PTRH1: variants seen among roughly 807,000 people sequenced by gnomAD.
PTRH1 encodes peptidyl-tRNA hydrolase 1 homolog, also known as peptidyl-tRNA hydrolase.
In PTRH1, 13 loss-of-function variants were observed where a neutral mutation model predicts 15.7. That is an observed-to-expected ratio of 0.83 (90% CI 0.54 to 1.31). The LOEUF is 1.31. PTRH1 is among the 40% of genes most tolerant of loss of function. The pLI, the probability that PTRH1 is intolerant of heterozygous loss-of-function variation, is 0.00. For missense variants in PTRH1, 319 were observed against 296.2 expected, an observed-to-expected ratio of 1.08 and a Z score of -0.56; for synonymous variants, 139 against 136.7, an observed-to-expected ratio of 1.02 and a Z score of -0.12.
In PTRH1 at chr9:127,714,366, A is replaced by C; in HGVS notation, c.462+13T>G. 1 of 1,614,212 alleles carries C rather than the reference A, an allele frequency of 6.2e-7. No individual in the cohort carries two copies. Reference sequence around the variant, plus strand: ...CCACCCGACCCAGTTGCACAACAAAAGGGTAGACTCACATTGGAGTTGAGG... The same window carrying C: ...CCACCCGACCCAGTTGCACAACAAACGGGTAGACTCACATTGGAGTTGAGG... On this transcript the variant is annotated intron_variant, in intron 4 of 4. Transcript: ENST00000543175.
At position 127,714,582 on chromosome 9, in the gene PTRH1, C is replaced by G. The variant is rs781497966; in HGVS notation, c.416+21G>C. On this transcript the variant is annotated intron_variant, in intron 3 of 4. Coordinates refer to ENST00000543175, the MANE Select transcript of PTRH1 (RefSeq NM_001002913.3). ...GGAGGCCTGAAGCCCTATCCCAACC[C>G]TGACCATCTCAGGACCTCACCTGGC... 6.2e-6 allele frequency: 10 copies of G among 1,611,622 alleles called. No individual in the cohort carries two copies. The South Asian group carries it at 1.1e-4, about 18-fold the overall frequency.
At chr9:127,695,118 G>C (rs1842547512) in exon 2 of PTRH1, 1 of 702,180 alleles carries the variant, frequency 1.4e-6, no homozygotes, top group Non-Finnish European at 2.6e-6. Flanking sequence ...TGCTGCTGCT[G>C]TTGACGATGA....
At position 127,715,592 on chromosome 9, in the gene PTRH1, GGCTCTACTCA is replaced by G. The variant is rs746816297; in HGVS notation, c.38_47del (p.Leu13ProfsTer2). On this transcript the variant is annotated frameshift_variant, in exon 1 of 5. Coordinates refer to ENST00000543175, the MANE Select transcript of PTRH1 (RefSeq NM_001002913.3). LOFTEE classifies it high-confidence loss of function. This position sits in a 1 kb window ranked among gnomAD's most constrained non-coding sequence, Gnocchi z 5.8. ...GAGGCTCCAAAACACATCGGCTCATGGCTCTACTCAGCCGCTGTCCGGCGCCCAAAAAGCC... is the reference window on the plus strand; with the variant it reads ...GAGGCTCCAAAACACATCGGCTCATGGCCGCTGTCCGGCGCCCAAAAAGCC... The G allele has an allele frequency of 3.7e-5, 60 of 1,613,226 alleles. No homozygotes were observed. The South Asian group carries it at 5.8e-4, about 16-fold the overall frequency.
chr9:127,700,806 G>A (rs1174919942), intron 1 of PTRH1, among the ~76,000 whole-genome samples: 1 of 152,194 alleles, frequency 6.6e-6, no homozygotes, highest in East Asian at 1.9e-4. Context: ...CAGAGGCTGT[G>A]GGACTGACCA....
At chr9:127,712,857 A>T, downstream of PTRH1, 1 of 1,612,332 alleles carries the variant, frequency 6.2e-7, no homozygotes, top group Non-Finnish European at 8.5e-7. Context: ...TCACAGTCCC[A>T]TGGCCCACCC....
intron 1 of PTRH1, among the ~76,000 whole-genome samples, chr9:127,700,522 G>T (rs1388242432): frequency 6.6e-6 from 1 of 152,104 alleles, no homozygotes; most frequent in African/African-American, 2.4e-5. Flanking sequence ...GAGATGGGGG[G>T]GTCAGACATG....
downstream of PTRH1, chr9:127,712,115 G>T: frequency 6.4e-7 from 1 of 1,560,256 alleles, no homozygotes; most frequent in South Asian, 1.2e-5. Flanking sequence ...TGGGCTTGGA[G>T]AGAAATGGCA....
At chr9:127,711,292 G>A (rs1417544473), downstream of PTRH1, 15 of 1,614,056 alleles carry the variant, frequency 9.3e-6, no homozygotes, top group Admixed American at 6.7e-5. Context: ...AGGTGACCAC[G>A]AACCGGATGT....
downstream of PTRH1, chr9:127,712,304 G>A (rs1372062665): frequency 6.2e-7 from 1 of 1,614,080 alleles, no homozygotes; most frequent in Non-Finnish European, 8.5e-7. Context: ...CCAGCCTGGA[G>A]GCGGCTCTGG....
At chr9:127,710,458 G>A (rs1842738874), downstream of PTRH1, 1 of 945,516 alleles carries the variant, frequency 1.1e-6, no homozygotes, top group Non-Finnish European at 1.6e-6. Flanking sequence ...GGCAGGGTAG[G>A]TGGGGGATGG....
rs568038628 is a variant in PTRH1, at chr9:127,714,643, G to A, written c.376C>T (p.Pro126Ser). 1.7e-4 allele frequency: 274 copies of A among 1,613,952 alleles called. 1 individual carries two copies. In the East Asian group the frequency reaches 4.5e-3, roughly 27 times the overall value. Residue 126 changes from proline (P) to serine (S), a missense_variant, in exon 3 of 5, where the codon CCC becomes TCC. Transcript: ENST00000543175. ...AGCTTCAGAGCCAGTCTCCCCAGGG[G>A]CTTGTCCAGCTCATCATGCACCAGG... ...VYLVHDELDKPLGRLALKLGG... is the reference protein window; with the variant it reads ...VYLVHDELDKSLGRLALKLGG...
downstream of PTRH1, chr9:127,713,026 C>T (rs1377643502): frequency 1.2e-6 from 2 of 1,613,240 alleles, no homozygotes; most frequent in African/African-American, 1.3e-5. Flanking sequence ...ACAGCCGGCC[C>T]AGCATCCAGC....
intron 1 of PTRH1, chr9:127,707,099 A>G (rs1378507770): frequency 1.2e-6 from 2 of 1,613,954 alleles, no homozygotes; most frequent in South Asian, 2.2e-5. Flanking sequence ...GGGGGCAAGA[A>G]GGAGCCGGTG....
chr9:127,709,469 G>A (rs372321100), downstream of PTRH1: 296 of 1,613,928 alleles, frequency 1.8e-4, no homozygotes, highest in Middle Eastern at 8.3e-4. The surrounding 1 kb of genome is among the most constrained non-coding windows in gnomAD (Gnocchi z 4.7). Context: ...AAGATGTTCC[G>A]CCAGGAGTTT....
chr9:127,704,401 C>T (rs1246922517), intron 1 of PTRH1, among the ~76,000 whole-genome samples: 1 of 148,918 alleles, frequency 6.7e-6, no homozygotes. Context: ...CCCAGCTACT[C>T]GGGAGGCTGA....
chr9:127,706,910 A>C, intron 1 of PTRH1: 7 of 1,191,212 alleles, frequency 5.9e-6, no homozygotes, highest in Non-Finnish European at 7.0e-6. Context: ...ACCCAGCAAG[A>C]AGAGGGCAGG....
downstream of PTRH1, chr9:127,713,489 C>A (rs766374903): frequency 1.1e-4 from 39 of 368,576 alleles, no homozygotes; most frequent in Non-Finnish European, 1.6e-4. Flanking sequence ...TCCAAGCCAG[C>A]ATCTTTCTTT....
intron 1 of PTRH1, among the ~76,000 whole-genome samples, chr9:127,697,841 G>C (rs1021220778): frequency 1.3e-5 from 2 of 152,244 alleles, no homozygotes; most frequent in African/African-American, 4.8e-5. Context: ...GCCTCTTTAT[G>C]AAGGGGAAGT....
intron 1 of PTRH1, among the ~76,000 whole-genome samples, chr9:127,708,095 A>G (rs992636716): frequency 2.0e-5 from 3 of 152,200 alleles, no homozygotes; most frequent in Admixed American, 2.0e-4. Context: ...TGACTCCCCT[A>G]TGCAAGACTG....
Sources: gnomAD v4.1 joint callset for allele counts (sites outside exome capture counted in the v4.1 genomes callset) on GRCh38, gnomAD v4.1.1 for gene constraint, Gnocchi (gnomAD v3.1) non-coding constraint, MANE v1.5 for transcripts, NCBI Gene and HGNC (gene_info 2026-07-23, HGNC 2026-07-21) for gene names.